Variants in TUSC3 observed in about 807,000 individuals in gnomAD.
TUSC3 encodes the protein tumor suppressor candidate 3, also known as dolichyl-diphosphooligosaccharide--protein glycosyltransferase subunit TUSC3.
TUSC3 carries 45 observed loss-of-function variants against 44.8 expected under a neutral mutation model. The observed-to-expected ratio is 1.00, with a 90% CI of 0.79 to 1.29. The LOEUF is 1.29. TUSC3 is among the 50% of genes most tolerant of loss of function. The probability of loss-of-function intolerance (pLI) is 0.00; values close to 1 mark genes in which losing one functional copy is unlikely to be tolerated. For missense variants in TUSC3, 519 were observed against 437.9 expected (o/e 1.19, Z -1.65); for synonymous variants, 212 against 152.9 (o/e 1.39, Z -2.85).
chr8:15,585,558 C>A (rs1222679502), intron 1 of TUSC3, among the ~76,000 whole-genome samples: 2 of 152,150 alleles, frequency 1.3e-5, no homozygotes, highest in African/African-American at 4.8e-5. Context: ...CTGGGCATCT[C>A]ATTTGCATAA....
intron 1 of TUSC3, among the ~76,000 whole-genome samples, chr8:15,430,488 A>T (rs572007930): frequency 6.6e-6 from 1 of 150,698 alleles, no homozygotes; most frequent in East Asian, 1.9e-4. Context: ...TCAAAATAAT[A>T]AGAGCTGTCT....
At chr8:15,463,742 G>A (rs1800378493) in intron 1 of TUSC3, among the ~76,000 whole-genome samples, 1 of 152,128 alleles carries the variant, frequency 6.6e-6, no homozygotes, top group Non-Finnish European at 1.5e-5. Flanking sequence ...CATACAGCTT[G>A]GCTTACCTTC....
chr8:15,474,778 G>T (rs1355950522), intron 1 of TUSC3, among the ~76,000 whole-genome samples: 1 of 152,096 alleles, frequency 6.6e-6, no homozygotes, highest in Non-Finnish European at 1.5e-5. Flanking sequence ...AGGAAATATT[G>T]AAAGTTTAGA....
intron 3 of TUSC3, 182 bp downstream of exon 3, chr8:15,650,996 C>G (rs1366980319): frequency 6.4e-6 from 3 of 467,912 alleles, no homozygotes; most frequent in Admixed American, 6.7e-5. Context: ...CACACACACA[C>G]ACACACACAC....
At chr8:15,648,755 A>AAAAAAAAAAAAAAC in intron 2 of TUSC3, among the ~76,000 whole-genome samples, 1 of 141,676 alleles carries the variant, frequency 7.1e-6, no homozygotes, top group South Asian at 2.2e-4. Flanking sequence ...AAAAAAAAAA[A>AAAAAAAAAAAAAAC]AGACATCTCC....
chr8:15,727,690 T>G (rs1205851308), intron 6 of TUSC3, among the ~76,000 whole-genome samples: 3 of 152,220 alleles, frequency 2.0e-5, no homozygotes, highest in Non-Finnish European at 4.4e-5. Context: ...AGGAAATGAA[T>G]TTCTGAATGC....
chr8:15,800,094 C>A, the TUSC3 span, among the ~76,000 whole-genome samples: 15,197 of 152,216 alleles, frequency 0.1, 1,099 homozygotes, highest in East Asian at 0.25. Flanking sequence ...GCAAACTTAT[C>A]CTTTGTTACA....
Position 15,638,515 on chromosome 8 carries a change from CTTTTTTTTTTT to C in TUSC3, c.309-12168_309-12158del, listed in dbSNP as rs547743726. 1.7e-3 allele frequency among the ~76,000 whole-genome samples: 134 copies of C among 81,110 alleles called. 1 individual carries two copies. The highest frequency in any genetic ancestry group is 5.5e-3 in the Admixed American group (31 of 5,588). 53.2% of individuals were successfully genotyped at this position (81,110 alleles called of 152,430 possible). The stretch of plus-strand genomic sequence containing the variant: ...AGACAAACTTTTTTTTTCTTTTTTT[CTTTTTTTTTTT>C]TTTTTTTTTTTTTGGAGACAAGAGT... On this transcript the variant is annotated intron_variant, in intron 2 of 10. Coordinates refer to ENST00000503731, the MANE Select transcript of TUSC3 (RefSeq NM_006765.4).
At chr8:15,574,043 G>T (rs1585115496) in intron 1 of TUSC3, among the ~76,000 whole-genome samples, 1 of 152,074 alleles carries the variant, frequency 6.6e-6, no homozygotes, top group African/African-American at 2.4e-5. Flanking sequence ...AGTTATTCCA[G>T]ACTTTTTTGT....
chr8:15,807,112 C>T, the TUSC3 span: 1 of 1,200,446 alleles, frequency 8.3e-7, no homozygotes, highest in African/African-American at 1.5e-5. Context: ...CCGTTATACA[C>T]AGCAAAGAAT....
chr8:15,613,897 C>G (rs1804871347), intron 1 of TUSC3, among the ~76,000 whole-genome samples: 1 of 152,038 alleles, frequency 6.6e-6, no homozygotes, highest in African/African-American at 2.4e-5. Context: ...AAGGGACACC[C>G]AAACAGAGAA....
the TUSC3 span, among the ~76,000 whole-genome samples, chr8:15,836,719 A>C: frequency 6.6e-6 from 1 of 152,138 alleles, no homozygotes; most frequent in Non-Finnish European, 1.5e-5. Flanking sequence ...TAGTTCATTT[A>C]TATTGCCAAT....
At chr8:15,550,030 A>C (rs1005262598) in intron 1 of TUSC3, among the ~76,000 whole-genome samples, 4 of 151,724 alleles carry the variant, frequency 2.6e-5, no homozygotes, top group Non-Finnish European at 5.9e-5. Context: ...CGATTGAGCA[A>C]GCACGGGGTA....
the TUSC3 span, among the ~76,000 whole-genome samples, chr8:15,822,027 G>T: frequency 6.6e-6 from 1 of 152,124 alleles, no homozygotes; most frequent in African/African-American, 2.4e-5. Context: ...ATAAGATGTA[G>T]CCATTTTCTA....
At chr8:15,718,725 T>C (rs1446962173) in intron 6 of TUSC3, among the ~76,000 whole-genome samples, 1 of 152,092 alleles carries the variant, frequency 6.6e-6, no homozygotes, top group Non-Finnish European at 1.5e-5. Context: ...CTTATGTTGA[T>C]TTTATTTGAA....
the TUSC3 span, among the ~76,000 whole-genome samples, chr8:15,782,122 A>G: frequency 0.78 from 118,458 of 152,124 alleles, 46,272 homozygotes; most frequent in African/African-American, 0.82. Flanking sequence ...GCGACAGAGC[A>G]AGGCTCCATC....
At position 15,540,355 on chromosome 8, in the gene TUSC3, G is replaced by GC; in HGVS notation, c.-74dup. The GC allele has an allele frequency of 7.1e-7, 1 of 1,402,474 alleles. No individual in the cohort carries two copies. The highest frequency in any genetic ancestry group is 9.3e-7 in the Non-Finnish European group (1 of 1,075,962). 86.9% of individuals were successfully genotyped at this position (1,402,474 alleles called of 1,614,324 possible). A position where few individuals can be genotyped will look rare whatever the true frequency, so the allele number is the denominator to read the frequency against. On this transcript the variant is annotated 5_prime_UTR_variant, in exon 1 of 11. Transcript: ENST00000503731. Reference sequence around the variant, plus strand: ...CCAGCCAGCGGGCTCCCGGAGGCTGGCCGGGCAGGCGTGGTGCGCGGTAGG... The same window carrying GC: ...CCAGCCAGCGGGCTCCCGGAGGCTGGCCCGGGCAGGCGTGGTGCGCGGTAGG...
chr8:15,596,468 A>C (rs139966700), intron 1 of TUSC3, among the ~76,000 whole-genome samples: 1 of 152,100 alleles, frequency 6.6e-6, no homozygotes, highest in Non-Finnish European at 1.5e-5. Flanking sequence ...TCTTATATGC[A>C]TGTTCCGCAA....
intron 1 of TUSC3, among the ~76,000 whole-genome samples, chr8:15,467,647 C>G (rs1210101181): frequency 6.6e-6 from 1 of 152,142 alleles, no homozygotes; most frequent in Non-Finnish European, 1.5e-5. Flanking sequence ...AACTGCTGTC[C>G]ATGTGGCAAA....
Sources: allele counts gnomAD v4.1 joint callset (sites outside exome capture counted in the v4.1 genomes callset), GRCh38; gene constraint gnomAD v4.1.1; transcripts MANE v1.5; gene names NCBI Gene and HGNC (gene_info 2026-07-23, HGNC 2026-07-21).